AGBL1: variants seen among roughly 807,000 people sequenced by gnomAD.
The protein encoded by AGBL1 is cytosolic carboxypeptidase 4.
Under a neutral mutation model 118.9 loss-of-function variants are expected in AGBL1, and 130 were observed. The observed-to-expected ratio is 1.09, with a 90% CI of 0.95 to 1.26. The LOEUF (loss-of-function observed/expected upper bound fraction) is 1.26, where lower values mean the gene tolerates loss of function less well. Ranked by LOEUF, AGBL1 falls within the 50% of genes most tolerant of loss-of-function variation. The probability of loss-of-function intolerance (pLI) is 0.00; values close to 1 mark genes in which losing one functional copy is unlikely to be tolerated. For synonymous variants in AGBL1, 555 were observed against 478.9 expected (o/e 1.16, Z -2.08); for missense variants, 1,584 against 1,298.1 (o/e 1.22, Z -3.38).
intron 1 of AGBL1, among the ~76,000 whole-genome samples, chr15:86,126,507 G>C (rs914526441): frequency 6.6e-6 from 1 of 152,188 alleles, no homozygotes; most frequent in Non-Finnish European, 1.5e-5. Context: ...AGATGGTAGA[G>C]TCTATATGAA....
At chr15:86,116,880 G>A (rs944420529) in intron 1 of AGBL1, among the ~76,000 whole-genome samples, 2 of 151,642 alleles carry the variant, frequency 1.3e-5, no homozygotes, top group African/African-American at 4.8e-5. Context: ...TGATTCTCAA[G>A]ACAACCCTAA....
intron 22 of AGBL1, among the ~76,000 whole-genome samples, chr15:86,723,114 G>C (rs1478519899): frequency 1.3e-5 from 2 of 152,174 alleles, no homozygotes; most frequent in African/African-American, 2.4e-5. Context: ...CAAGGATCTA[G>C]AACTAGAAAT....
intron 22 of AGBL1, among the ~76,000 whole-genome samples, chr15:86,883,210 G>A (rs2079921100): frequency 1.3e-5 from 2 of 152,170 alleles, no homozygotes; most frequent in Non-Finnish European, 2.9e-5. Context: ...TACATCTAAT[G>A]CTAATAAAAT....
chr15:86,457,038 A>G (rs900067827), intron 18 of AGBL1, among the ~76,000 whole-genome samples: 4 of 152,190 alleles, frequency 2.6e-5, no homozygotes, highest in Non-Finnish European at 5.9e-5. Context: ...AACTAAATGG[A>G]CAAAATCCCT....
intron 22 of AGBL1, among the ~76,000 whole-genome samples, chr15:86,902,904 G>A (rs757106731): frequency 1.3e-5 from 2 of 152,124 alleles, no homozygotes; most frequent in Non-Finnish European, 2.9e-5. Flanking sequence ...GGCTTTATCT[G>A]TTTGGGGGTT....
intron 18 of AGBL1, among the ~76,000 whole-genome samples, chr15:86,408,509 C>T (rs1254349765): frequency 6.6e-6 from 1 of 152,200 alleles, no homozygotes; most frequent in Non-Finnish European, 1.5e-5. Context: ...GACAAAGGAG[C>T]TTAAACTTGC....
chr15:86,619,199 A>T (rs573457333), intron 21 of AGBL1, among the ~76,000 whole-genome samples: 2 of 152,284 alleles, frequency 1.3e-5, no homozygotes, highest in South Asian at 4.1e-4. Context: ...TTATAACGTC[A>T]AGCATATAAT....
chr15:86,636,484 C>A (rs1596326212), intron 21 of AGBL1, among the ~76,000 whole-genome samples: 1 of 70,906 alleles, frequency 1.4e-5, no homozygotes. Context: ...TTATTTAATT[C>A]ATCAAGATAG....
chr15:87,026,460 T>C (rs1342894142), intron 24 of AGBL1, among the ~76,000 whole-genome samples: 1 of 151,960 alleles, frequency 6.6e-6, no homozygotes, highest in Non-Finnish European at 1.5e-5. Context: ...ACTTTACTCC[T>C]GCAAGAATGG....
intron 21 of AGBL1, among the ~76,000 whole-genome samples, chr15:86,650,395 G>A (rs1296065963): frequency 6.6e-6 from 1 of 152,146 alleles, no homozygotes; most frequent in Non-Finnish European, 1.5e-5. Flanking sequence ...AGGAATCTAT[G>A]TCTCTGACAC....
In AGBL1 at chr15:86,517,095, G is replaced by T. The variant is rs77771299; in HGVS notation, c.2556-5715G>T. Among the ~76,000 whole-genome samples the T allele has an allele frequency of 6.5e-3, 995 of 152,318 alleles. 10 individuals are homozygous for T. Among genetic ancestry groups the T allele is most frequent in the African/African-American group, 0.023 (939 of 41,562 alleles). ...GACTAACACAACAGTGGGAAAAATG[G>T]GTTGGGCAAGTATGTAAGTGGGAGT... is the stretch of plus-strand genomic sequence containing the variant. On this transcript the variant is annotated intron_variant, in intron 18 of 22. Transcript: ENST00000614907.
intron 1 of AGBL1, among the ~76,000 whole-genome samples, chr15:86,130,960 TC>T (rs2076811205): frequency 6.6e-6 from 1 of 152,184 alleles, no homozygotes; most frequent in African/African-American, 2.4e-5. Context: ...TTAAGATTGC[TC>T]CCTTCCATTA....
At chr15:86,892,584 G>T (rs2080067317) in intron 22 of AGBL1, among the ~76,000 whole-genome samples, 1 of 151,950 alleles carries the variant, frequency 6.6e-6, no homozygotes, top group Admixed American at 6.6e-5. Flanking sequence ...AAGTAGGATT[G>T]ATAAGATCTA....
chr15:86,384,963 T>C (rs2081162341), intron 17 of AGBL1, among the ~76,000 whole-genome samples: 1 of 152,186 alleles, frequency 6.6e-6, no homozygotes, highest in South Asian at 2.1e-4. Context: ...TGGGGTATAG[T>C]AAACTTTTAC....
chr15:86,556,056 T>G (rs1282198050), intron 21 of AGBL1, among the ~76,000 whole-genome samples: 3 of 152,240 alleles, frequency 2.0e-5, no homozygotes, highest in Non-Finnish European at 1.5e-5. Context: ...AGCTTGTGAC[T>G]GTCATTGAGT....
intron 21 of AGBL1, among the ~76,000 whole-genome samples, chr15:86,592,200 G>A (rs1393303824): frequency 6.6e-6 from 1 of 152,100 alleles, no homozygotes; most frequent in African/African-American, 2.4e-5. Flanking sequence ...TTCCTTTGGG[G>A]AAATACTCTG....
intron 5 of AGBL1, among the ~76,000 whole-genome samples, chr15:86,190,395 A>G (rs1272228873): frequency 6.6e-6 from 1 of 152,158 alleles, no homozygotes; most frequent in East Asian, 1.9e-4. Flanking sequence ...TATAATAGAA[A>G]GTAAATAGTA....
Position 86,558,196 on chromosome 15 carries a change from C to T in AGBL1, c.2994+3659C>T, listed in dbSNP as rs979450783. 5.9e-5 allele frequency among the ~76,000 whole-genome samples: 9 copies of T among 152,090 alleles called. 1 individual carries two copies. Among genetic ancestry groups the T allele is most frequent in the South Asian group, 4.1e-4 (2 of 4,828 alleles). On this transcript the variant is annotated intron_variant, in intron 21 of 22. Transcript: ENST00000614907. ...CCATCCATATACGTAGTAGATGCTG[C>T]GGTCCACCCTCGAGATCCCTCCTTA...
intron 5 of AGBL1, among the ~76,000 whole-genome samples, chr15:86,176,680 T>A (rs1317840555): frequency 6.6e-6 from 1 of 152,170 alleles, no homozygotes; most frequent in African/African-American, 2.4e-5. Context: ...GGATATCATC[T>A]GGTGGGGCCT....
Sources: gnomAD v4.1 joint callset for allele counts (sites outside exome capture counted in the v4.1 genomes callset) on GRCh38, gnomAD v4.1.1 for gene constraint, MANE v1.5 for transcripts, NCBI Gene and HGNC (gene_info 2026-07-23, HGNC 2026-07-21) for gene names.